The following CTBP2 variants were observed in gnomAD, a reference collection of about 807,000 sequenced individuals.
The protein encoded by CTBP2 is C-terminal binding protein 2, also known as C-terminal-binding protein 2.
Under a neutral mutation model 80.3 loss-of-function variants are expected in CTBP2, and 30 were observed. The observed-to-expected ratio is 0.37, with a 90% confidence interval of 0.28 to 0.51. The LOEUF is 0.51. CTBP2 is among the 20% of genes least tolerant of loss of function. CTBP2 has a pLI of 0.93. For synonymous variants in CTBP2, 594 were observed against 587.4 expected (o/e 1.01, Z -0.16); for missense variants, 1,212 against 1,375.3 (o/e 0.88, Z 1.88).
At chr10:125,061,472 C>T (rs940402952) in intron 2 of CTBP2, among the ~76,000 whole-genome samples, 1 of 152,174 alleles carries the variant, frequency 6.6e-6, no homozygotes, top group Non-Finnish European at 1.5e-5. Context: ...GGCCCTGCAG[C>T]GCCAGGAACA....
chr10:125,039,890 G>A (rs1019943173), intron 2 of CTBP2, among the ~76,000 whole-genome samples: 5 of 152,176 alleles, frequency 3.3e-5, no homozygotes, highest in African/African-American at 4.8e-5. Context: ...TCCCCATGAC[G>A]TTTCAGGTAG....
chr10:125,013,001 G>A (rs1956100000), intron 1 of CTBP2, among the ~76,000 whole-genome samples: 1 of 152,192 alleles, frequency 6.6e-6, no homozygotes, highest in Non-Finnish European at 1.5e-5. Context: ...CTCCTTGGGA[G>A]GTGCCCACCT....
chr10:125,036,283 G>A (rs888869731), intron 3 of CTBP2, among the ~76,000 whole-genome samples: 4 of 152,156 alleles, frequency 2.6e-5, no homozygotes, highest in Admixed American at 6.5e-5. Flanking sequence ...AGATTCCAGC[G>A]GAGTACCTGG....
At chr10:125,007,697 A>G (rs561397320) in intron 1 of CTBP2, among the ~76,000 whole-genome samples, 1 of 152,308 alleles carries the variant, frequency 6.6e-6, no homozygotes, top group East Asian at 1.9e-4. Flanking sequence ...AACTGGATTG[A>G]TCCTGCCACA....
intron 2 of CTBP2, among the ~76,000 whole-genome samples, chr10:125,093,362 T>C (rs193291944): frequency 4.6e-5 from 7 of 152,340 alleles, no homozygotes; most frequent in African/African-American, 1.7e-4. Context: ...TCTAATCCTG[T>C]GTGCTGTTCT....
chr10:125,152,824 C>G (rs1419431190), intron 1 of CTBP2, among the ~76,000 whole-genome samples: 1 of 152,222 alleles, frequency 6.6e-6, no homozygotes, highest in East Asian at 1.9e-4. Flanking sequence ...GGCATCTACG[C>G]TGAGCCTCTA....
Position 124,989,107 on chromosome 10 carries a change from A to C in CTBP2, c.*411T>G, listed in dbSNP as rs1952237575. Reference sequence around the variant, plus strand: ...AGAGGTCACCAGCCCCTGTAGACTTAAGGGACTCAAGTCACAGGATGGGGA... The same window carrying C: ...AGAGGTCACCAGCCCCTGTAGACTTCAGGGACTCAAGTCACAGGATGGGGA... On this transcript the variant is annotated 3_prime_UTR_variant, in exon 9 of 9. Coordinates refer to ENST00000309035, the MANE Select transcript of CTBP2 (RefSeq NM_022802.3). 4.2e-6 allele frequency: 1 copy of C among 239,360 alleles called. No individual in the cohort carries two copies. The highest frequency in any genetic ancestry group is 4.6e-5 in the South Asian group (1 of 21,794). 14.8% of individuals were successfully genotyped at this position (239,360 alleles called of 1,614,324 possible). A position where few individuals can be genotyped will look rare whatever the true frequency, so the allele number is the denominator to read the frequency against.
chr10:125,090,502 C>G (rs1339749807), intron 2 of CTBP2, among the ~76,000 whole-genome samples: 2 of 149,716 alleles, frequency 1.3e-5, no homozygotes, highest in African/African-American at 4.9e-5. Context: ...GTGGCTCACA[C>G]CTGTAATCCC....
intron 1 of CTBP2, among the ~76,000 whole-genome samples, chr10:125,124,565 A>T (rs1305238809): frequency 6.6e-6 from 1 of 152,252 alleles, no homozygotes; most frequent in Non-Finnish European, 1.5e-5. Context: ...ATAAACCCTT[A>T]AACAGTCATT....
intron 3 of CTBP2, 155 bp from the exon 6 acceptor site, chr10:124,998,325 T>C (rs1589956254): frequency 1.3e-6 from 1 of 772,532 alleles, no homozygotes; most frequent in African/African-American, 1.7e-5. Context: ...ACGTGGGCGG[T>C]AGGCCCTCTG....
At chr10:125,095,649 C>G in intron 2 of CTBP2, among the ~76,000 whole-genome samples, 1 of 152,180 alleles carries the variant, frequency 6.6e-6, no homozygotes, top group South Asian at 2.1e-4. Flanking sequence ...ATACACCCCA[C>G]GTCTGGGTGG....
chr10:125,047,780 T>C (rs1435737419), intron 2 of CTBP2, among the ~76,000 whole-genome samples: 3 of 152,234 alleles, frequency 2.0e-5, no homozygotes, highest in African/African-American at 4.8e-5. Context: ...TCTTAATATA[T>C]GAAATGGGGG....
chr10:125,126,098 T>C (rs1855196508), intron 1 of CTBP2, among the ~76,000 whole-genome samples: 1 of 152,218 alleles, frequency 6.6e-6, no homozygotes, highest in Non-Finnish European at 1.5e-5. Flanking sequence ...CCTGTACCAC[T>C]AGACCGCAGT....
At chr10:125,058,818 C>T (rs993855166) in intron 2 of CTBP2, among the ~76,000 whole-genome samples, 6 of 152,100 alleles carry the variant, frequency 3.9e-5, no homozygotes, top group African/African-American at 1.2e-4. Flanking sequence ...CATTTGAACC[C>T]GGGAGGCGGT....
chr10:125,150,885 G>C (rs1283612439), intron 1 of CTBP2, among the ~76,000 whole-genome samples: 1 of 149,616 alleles, frequency 6.7e-6, no homozygotes, highest in Non-Finnish European at 1.5e-5. Context: ...TTGAATACGT[G>C]GGTCAGACTC....
At chr10:125,099,128 A>G (rs1850219864) in intron 2 of CTBP2, among the ~76,000 whole-genome samples, 1 of 152,238 alleles carries the variant, frequency 6.6e-6, no homozygotes, top group South Asian at 2.1e-4. Flanking sequence ...CATCTAAACT[A>G]TTTTAGGAAA....
At chr10:125,116,062 G>C (rs1205640863) in intron 1 of CTBP2, among the ~76,000 whole-genome samples, 1 of 152,104 alleles carries the variant, frequency 6.6e-6, no homozygotes. Context: ...TCAGTGCCAG[G>C]ACTGTGCCAA....
chr10:124,991,579 C>T (rs910812044), intron 8 of CTBP2, among the ~76,000 whole-genome samples: 1 of 152,196 alleles, frequency 6.6e-6, no homozygotes, highest in Admixed American at 6.5e-5. Context: ...CTGAATGCAC[C>T]CTGGTCGTCA....
At chr10:125,097,566 C>A (rs921326019) in intron 2 of CTBP2, among the ~76,000 whole-genome samples, 1 of 152,178 alleles carries the variant, frequency 6.6e-6, no homozygotes, top group African/African-American at 2.4e-5. Flanking sequence ...CTCTGTCCCG[C>A]TGCTACAGGC....
Sources: gnomAD v4.1 joint callset for allele counts (sites outside exome capture counted in the v4.1 genomes callset) on GRCh38, gnomAD v4.1.1 for gene constraint, MANE v1.5 for transcripts, NCBI Gene and HGNC (gene_info 2026-07-23, HGNC 2026-07-21) for gene names.